TTBK2: variants seen among roughly 807,000 people sequenced by gnomAD.
The protein encoded by TTBK2 is tau-tubulin kinase 2.
TTBK2 carries 28 observed loss-of-function variants against 110.8 expected under a neutral mutation model. That is an observed-to-expected ratio of 0.25 (90% CI 0.19 to 0.35). The LOEUF is 0.35. Ranked by LOEUF, TTBK2 falls within the 10% of genes least tolerant of loss-of-function variation. TTBK2 has a pLI of 1.00. For synonymous variants in TTBK2, 532 were observed against 527.3 expected (o/e 1.01, Z -0.12); for missense variants, 1,369 against 1,500.3 (o/e 0.91, Z 1.45).
chr15:42,864,521 T>C (rs1038183729), intron 3 of TTBK2, among the ~76,000 whole-genome samples: 5 of 151,972 alleles, frequency 3.3e-5, no homozygotes, highest in African/African-American at 4.8e-5. Flanking sequence ...GAGGCAAAGC[T>C]TGCAGTGAGC....
chr15:42,754,228 A>T (rs1445547618), intron 13 of TTBK2, among the ~76,000 whole-genome samples: 1 of 150,802 alleles, frequency 6.6e-6, no homozygotes, highest in East Asian at 2.0e-4. Context: ...GGACTACAGC[A>T]TGCACCACCA....
chr15:42,842,220 G>A (rs955728902), intron 3 of TTBK2, among the ~76,000 whole-genome samples: 1 of 152,034 alleles, frequency 6.6e-6, no homozygotes, highest in African/African-American at 2.4e-5. Context: ...TTCAAAGCAT[G>A]AGCAAAAATA....
chr15:42,825,473 G>A (rs145507697), intron 6 of TTBK2, among the ~76,000 whole-genome samples: 148 of 152,300 alleles, frequency 9.7e-4, no homozygotes, highest in African/African-American at 3.5e-3. Flanking sequence ...CACTTCAGGA[G>A]GCCAAAGAGG....
chr15:42,815,069 T>A (rs532946264), intron 7 of TTBK2, among the ~76,000 whole-genome samples: 1 of 152,194 alleles, frequency 6.6e-6, no homozygotes, highest in Non-Finnish European at 1.5e-5. Flanking sequence ...AATAATGTAT[T>A]TTCACAGATT....
At chr15:42,851,076 A>T (rs374913948) in intron 3 of TTBK2, among the ~76,000 whole-genome samples, 1 of 151,098 alleles carries the variant, frequency 6.6e-6, no homozygotes, top group Admixed American at 6.6e-5. Context: ...ATAAAAAAAT[A>T]AAAAAATAAA....
At position 42,741,628 on chromosome 15, in the gene TTBK2, T is replaced by C. The variant is rs1272587234; in HGVS notation, c.*4167A>G. The C allele has an allele frequency of 6.6e-6, 1 of 152,186 alleles. No individual in the cohort carries two copies. Among genetic ancestry groups the C allele is most frequent in the African/African-American group, 2.4e-5 (1 of 41,452 alleles). The allele number at this position is 152,186 out of a possible 1,614,324, so 9.4% of individuals were successfully genotyped here. ...GAATGCAAACAACTTAATTCCAAAA[T>C]ACATAAACATGACAGAAGAAGTGGT... On this transcript the variant is annotated 3_prime_UTR_variant, in exon 15 of 15. Transcript: ENST00000267890.
rs1452662722 is a variant in TTBK2 at position 42,739,274 on chromosome 15, G to A, written c.*6521C>T. 1 of 152,186 alleles carries A rather than the reference G, an allele frequency of 6.6e-6. No individual in the cohort carries two copies. The highest frequency in any genetic ancestry group is 2.4e-5 in the African/African-American group (1 of 41,432). The allele number at this position is 152,186 out of a possible 1,614,324, so 9.4% of individuals were successfully genotyped here. ...TAGTTTCTCATCTCTCTGATTTCAGGAAGAGGAGAAGAGAGGGAGAGAAAA... is the reference window on the plus strand; with the variant it reads ...TAGTTTCTCATCTCTCTGATTTCAGAAAGAGGAGAAGAGAGGGAGAGAAAA... On this transcript the variant is annotated 3_prime_UTR_variant, in exon 15 of 15. Transcript: ENST00000267890.
chr15:42,821,680 T>C (rs1892302793), intron 6 of TTBK2, among the ~76,000 whole-genome samples: 1 of 141,300 alleles, frequency 7.1e-6, no homozygotes, highest in Non-Finnish European at 1.5e-5. Flanking sequence ...AGGGTTTTTG[T>C]TTTTTGTTTT....
rs182114011 is a variant in TTBK2, at chr15:42,847,128, A to C, written c.218-6695T>G. ...CCCCAGGTTGCAGCCAGTCAGAAGT[A>C]CAGTTTAAGCCATTCTAATGGTGTG... On this transcript the variant is annotated intron_variant, in intron 3 of 14. Coordinates refer to ENST00000267890, the MANE Select transcript of TTBK2 (RefSeq NM_173500.4). Among the ~76,000 whole-genome samples, 8 of 152,296 alleles carry C rather than the reference A, an allele frequency of 5.3e-5. No individual in the cohort carries two copies. The East Asian group carries it at 1.5e-3, about 29-fold the overall frequency.
At chr15:42,805,589 G>C (rs957359000) in intron 9 of TTBK2, among the ~76,000 whole-genome samples, 1 of 152,140 alleles carries the variant, frequency 6.6e-6, no homozygotes, top group Non-Finnish European at 1.5e-5. Context: ...AGGCGTAATG[G>C]GGCAGAGGCA....
At position 42,830,075 on chromosome 15, in the gene TTBK2, G is replaced by A; in HGVS notation, c.295C>T (p.Arg99Trp). The change falls in exon 5 of 15, where the codon CGG (arginine) becomes TGG (tryptophan). Residue 99 changes from arginine (R) to tryptophan (W), a missense_variant. This residue lies in a region of TTBK2 where 122 missense variants were observed against 159.7 expected (regional missense o/e 0.76). Coordinates refer to ENST00000267890, the MANE Select transcript of TTBK2 (RefSeq NM_173500.4). The part of the protein sequence containing the change: ...FNYVVMQLQG[R>W]NLADLRRSQS... ...CTACGGCGAAGATCTGCCAGATTCC[G>A]ACCCTATGGAAATCAAATAAACACT... The A allele has an allele frequency of 1.2e-6, 2 of 1,614,042 alleles. No individual in the cohort carries two copies. Among genetic ancestry groups the A allele is most frequent in the Non-Finnish European group, 8.5e-7 (1 of 1,180,016 alleles).
intron 9 of TTBK2, 178 bp from the exon 10 acceptor site, chr15:42,794,979 T>C (rs1890870590): frequency 1.9e-5 from 14 of 731,460 alleles, no homozygotes; most frequent in South Asian, 3.3e-5. Flanking sequence ...AGTGAATTAA[T>C]GTTGATTTTT....
intron 1 of TTBK2, among the ~76,000 whole-genome samples, chr15:42,903,184 A>C (rs1405799523): frequency 2.0e-5 from 3 of 152,196 alleles, no homozygotes; most frequent in Admixed American, 2.0e-4. Context: ...CAAATGGATG[A>C]ATATTATATG....
chr15:42,762,927 G>T (rs966354280), intron 13 of TTBK2, among the ~76,000 whole-genome samples: 2 of 150,244 alleles, frequency 1.3e-5, no homozygotes, highest in Non-Finnish European at 3.0e-5. Context: ...TTGATTTTAC[G>T]TAAGTAAAAA....
At chr15:42,909,869 A>G (rs371303612) in intron 1 of TTBK2, among the ~76,000 whole-genome samples, 3 of 152,336 alleles carry the variant, frequency 2.0e-5, no homozygotes, top group East Asian at 3.9e-4. Flanking sequence ...TTTGGGGTAA[A>G]GAAAGCAGGT....
At chr15:42,793,962 C>T (rs2140864473) in intron 10 of TTBK2, among the ~76,000 whole-genome samples, 2 of 151,860 alleles carry the variant, frequency 1.3e-5, no homozygotes, top group African/African-American at 4.8e-5. Context: ...GTTGCATAGG[C>T]TAGAGTGTAG....
At chr15:42,899,278 G>A (rs1895788197) in intron 1 of TTBK2, among the ~76,000 whole-genome samples, 1 of 151,902 alleles carries the variant, frequency 6.6e-6, no homozygotes, top group Admixed American at 6.6e-5. Context: ...GATTACAGGT[G>A]AGAGCCACTG....
chr15:42,796,515 A>T (rs1490827179), intron 9 of TTBK2, among the ~76,000 whole-genome samples: 1 of 152,234 alleles, frequency 6.6e-6, no homozygotes, highest in Non-Finnish European at 1.5e-5. Flanking sequence ...TCCAATACTT[A>T]GGTGAAAGAA....
intron 9 of TTBK2, chr15:42,801,869 C>CA: frequency 9.2e-7 from 1 of 1,081,588 alleles, no homozygotes; most frequent in South Asian, 1.2e-5. Flanking sequence ...TTACTGATCT[C>CA]AACCTCATAC....
Sources: allele counts gnomAD v4.1 joint callset (sites outside exome capture counted in the v4.1 genomes callset), GRCh38; gene constraint gnomAD v4.1.1; regional missense constraint gnomAD v4.1.1; transcripts MANE v1.5; gene names NCBI Gene and HGNC (gene_info 2026-07-23, HGNC 2026-07-21).